SDCBP: variants seen among roughly 807,000 people sequenced by gnomAD.
SDCBP encodes the protein syndecan binding protein.
SDCBP carries 22 observed loss-of-function variants against 30.5 expected under a neutral mutation model. The ratio of observed to expected loss-of-function variants is 0.72; its 90% CI spans 0.52 to 1.03. The LOEUF is 1.03. SDCBP is among the 50% of genes least tolerant of loss of function. The pLI is 0.00. For missense variants in SDCBP, 304 were observed against 369.9 expected (o/e 0.82, Z 1.46); for synonymous variants, 103 against 118.7 (o/e 0.87, Z 0.86).
In SDCBP at chr8:58,555,166, A is replaced by G. The variant is rs192416063; in HGVS notation, c.-16+1863A>G. On this transcript the variant is annotated intron_variant, in intron 1 of 8. Coordinates refer to ENST00000260130, the MANE Select transcript of SDCBP (RefSeq NM_005625.4). ...TATAGCTTTCAAGTCTTTTGCTGTT[A>G]CACTCAGTGCTGCAGTGAATCAACT... Among the ~76,000 whole-genome samples, 695 of 152,260 alleles carry G rather than the reference A, an allele frequency of 4.6e-3. 6 individuals are homozygous for G. Among genetic ancestry groups the G allele is most frequent in the African/African-American group, 0.016 (660 of 41,534 alleles).
At chr8:58,578,511 A>G (rs1805477961) in intron 6 of SDCBP, 1 of 215,506 alleles carries the variant, frequency 4.6e-6, no homozygotes, top group Non-Finnish European at 9.2e-6. Context: ...GCTTAGATAC[A>G]TCCAGCCTAG....
chr8:58,575,695 T>C (rs1805273738), intron 4 of SDCBP, among the ~76,000 whole-genome samples: 1 of 152,178 alleles, frequency 6.6e-6, no homozygotes, highest in African/African-American at 2.4e-5. Context: ...TTGAATCTAT[T>C]AGAGATGATA....
intron 7 of SDCBP, among the ~76,000 whole-genome samples, chr8:58,580,254 A>AGATG (rs1252292128): frequency 1.3e-5 from 2 of 152,202 alleles, no homozygotes; most frequent in African/African-American, 4.8e-5. Flanking sequence ...TAATAAGAGG[A>AGATG]GATGGTAATA....
At chr8:58,556,900 GTAT>G (rs1466006583) in intron 1 of SDCBP, among the ~76,000 whole-genome samples, 1 of 136,384 alleles carries the variant, frequency 7.3e-6, no homozygotes, top group African/African-American at 2.7e-5. Flanking sequence ...CGTATAATAC[GTAT>G]TATAATATAT....
chr8:58,554,862 T>A (rs944270293), intron 1 of SDCBP, among the ~76,000 whole-genome samples: 1 of 152,212 alleles, frequency 6.6e-6, no homozygotes, highest in Non-Finnish European at 1.5e-5. Flanking sequence ...TGCCAACATG[T>A]TTTGTAAATG....
chr8:58,555,015 A>G (rs1804019335), intron 1 of SDCBP, among the ~76,000 whole-genome samples: 1 of 152,206 alleles, frequency 6.6e-6, no homozygotes, highest in Admixed American at 6.5e-5. Flanking sequence ...TACACAGGCA[A>G]ACATATAAGC....
chr8:58,564,407 A>G (rs1804598016), intron 1 of SDCBP, among the ~76,000 whole-genome samples: 1 of 152,252 alleles, frequency 6.6e-6, no homozygotes, highest in African/African-American at 2.4e-5. Context: ...ACTAAAAAAC[A>G]TACTTCTACT....
At chr8:58,574,990 T>C (rs750452277) in intron 4 of SDCBP, among the ~76,000 whole-genome samples, 2 of 152,168 alleles carry the variant, frequency 1.3e-5, no homozygotes, top group African/African-American at 2.4e-5. Flanking sequence ...CTGAGAAAGT[T>C]TGTACACTTT....
chr8:58,571,069 T>C, intron 3 of SDCBP, 104 bp downstream of exon 3: 1 of 764,418 alleles, frequency 1.3e-6, no homozygotes. Flanking sequence ...CTGCATAAAA[T>C]TGGTAGTTAA....
chr8:58,577,702 A>G (rs1307919958), intron 5 of SDCBP, among the ~76,000 whole-genome samples: 1 of 152,202 alleles, frequency 6.6e-6, no homozygotes, highest in Non-Finnish European at 1.5e-5. Flanking sequence ...TGCATTTATT[A>G]AAGTTGTCCT....
At chr8:58,570,173 A>G (rs1292080090) in intron 2 of SDCBP, among the ~76,000 whole-genome samples, 1 of 152,224 alleles carries the variant, frequency 6.6e-6, no homozygotes, top group Non-Finnish European at 1.5e-5. Context: ...TCAGTGAGAT[A>G]CTTCATATGA....
chr8:58,578,036 A>G lies in SDCBP; in HGVS notation c.406A>G (p.Ile136Val). The G allele has an allele frequency of 6.2e-7, 1 of 1,611,670 alleles. No individual in the cohort carries two copies. The highest frequency in any genetic ancestry group is 8.5e-7 in the Non-Finnish European group (1 of 1,177,976). ...AAATTATTTTCTTATTATCTAGGGT[A>G]TATTTGTTCAGCTAGTCCAGGCTAA... ...GLRLKSIDNG[I>V]FVQLVQANSP... The change falls in exon 6 of 9, where the codon ATA becomes GTA. Residue 136 changes from isoleucine to valine, a missense_variant. Coordinates refer to ENST00000260130, the MANE Select transcript of SDCBP (RefSeq NM_005625.4).
At chr8:58,558,790 G>T (rs1804288139) in intron 1 of SDCBP, among the ~76,000 whole-genome samples, 1 of 152,118 alleles carries the variant, frequency 6.6e-6, no homozygotes, top group Non-Finnish European at 1.5e-5. Context: ...AGGCTAACTA[G>T]GATTTTGATT....
At chr8:58,576,296 CTG>C (rs1328393856) in intron 5 of SDCBP, 3 of 404,680 alleles carry the variant, frequency 7.4e-6, no homozygotes, top group Non-Finnish European at 9.0e-6. Context: ...AATATTCTAA[CTG>C]GAATACATTT....
intron 5 of SDCBP, among the ~76,000 whole-genome samples, chr8:58,577,657 A>G (rs1234434006): frequency 6.6e-6 from 1 of 152,198 alleles, no homozygotes; most frequent in Non-Finnish European, 1.5e-5. Flanking sequence ...ATGATTATGT[A>G]CTGATAATTT....
At chr8:58,562,464 C>T (rs901453486) in intron 1 of SDCBP, among the ~76,000 whole-genome samples, 2 of 152,040 alleles carry the variant, frequency 1.3e-5, no homozygotes, top group Non-Finnish European at 2.9e-5. Flanking sequence ...GTACAGTACT[C>T]AAGAATGTGT....
chr8:58,577,338 T>C (rs1454558482), intron 5 of SDCBP, among the ~76,000 whole-genome samples: 1 of 146,598 alleles, frequency 6.8e-6, no homozygotes, highest in African/African-American at 2.6e-5. Context: ...TTATATTTTG[T>C]TCAACTTCTG....
At chr8:58,569,660 G>A (rs1804910728) in intron 2 of SDCBP, among the ~76,000 whole-genome samples, 1 of 149,750 alleles carries the variant, frequency 6.7e-6, no homozygotes, top group South Asian at 2.1e-4. Flanking sequence ...TTTTTTCCCA[G>A]TGCCGCACAG....
rs1805631116 is a variant in SDCBP at position 58,580,507 on chromosome 8, T to G, written c.751-10T>G. The G allele has an allele frequency of 2.1e-6, 3 of 1,434,088 alleles. No homozygotes were observed. The highest frequency in any genetic ancestry group is 2.9e-6 in the Non-Finnish European group (3 of 1,019,136). 88.8% of individuals were successfully genotyped at this position (1,434,088 alleles called of 1,614,324 possible). A position where few individuals can be genotyped will look rare whatever the true frequency, so the allele number is the denominator to read the frequency against. On this transcript the variant is annotated splice_polypyrimidine_tract_variant and intron_variant, in intron 7 of 8. Coordinates refer to ENST00000260130, the MANE Select transcript of SDCBP (RefSeq NM_005625.4). ...CTGTGGAATTAATTTTTAATATGTG[T>G]TTTTATCAGGACTCTCAAATTGCAG...
Sources: allele counts gnomAD v4.1 joint callset (sites outside exome capture counted in the v4.1 genomes callset), GRCh38; gene constraint gnomAD v4.1.1; transcripts MANE v1.5; gene names NCBI Gene and HGNC (gene_info 2026-07-23, HGNC 2026-07-21).